The following PRKCH variants were observed in gnomAD, a reference collection of about 807,000 sequenced individuals.
PRKCH encodes protein kinase C eta type.
In PRKCH, 28 loss-of-function variants were observed where a neutral mutation model predicts 82.5. The ratio of observed to expected loss-of-function variants is 0.34; its 90% confidence interval spans 0.25 to 0.47. The LOEUF is 0.47. Among genes scored for constraint, PRKCH ranks in the 20% least tolerant of loss-of-function variants. The pLI is 1.00. For missense variants in PRKCH, 705 were observed against 881.8 expected (o/e 0.80, Z 2.54); for synonymous variants, 322 against 327.4 (o/e 0.98, Z 0.18).
At chr14:61,438,272 C>A (rs995883126) in intron 2 of PRKCH, among the ~76,000 whole-genome samples, 2 of 152,114 alleles carry the variant, frequency 1.3e-5, no homozygotes, top group African/African-American at 2.4e-5. Flanking sequence ...GTGTAGCCCC[C>A]TTAAAGATAA....
At chr14:61,509,401 G>C (rs1887282049) in intron 10 of PRKCH, among the ~76,000 whole-genome samples, 1 of 152,114 alleles carries the variant, frequency 6.6e-6, no homozygotes, top group Non-Finnish European at 1.5e-5. Flanking sequence ...GAGTTACCAG[G>C]TTCAACAGGT....
At chr14:61,241,733 C>A (rs1263780773) in intron 1 of PRKCH, among the ~76,000 whole-genome samples, 13 of 152,186 alleles carry the variant, frequency 8.5e-5, no homozygotes, top group Admixed American at 8.5e-4. Context: ...AGGTTTTGGA[C>A]TCAGGCTGAC....
chr14:61,239,078 A>C (rs1454263724), intron 1 of PRKCH, among the ~76,000 whole-genome samples: 2 of 152,160 alleles, frequency 1.3e-5, no homozygotes, highest in African/African-American at 2.4e-5. Context: ...CAGACCTTAA[A>C]ATGGCTTTTA....
rs917771120 is a variant in PRKCH at position 61,550,724 on chromosome 14, CTT to C, written c.*894_*895del. Reference sequence around the variant, plus strand: ...TGCCTGCCTACCTGGGTAATCTGATCTTGTCTGTATCGCCGTGTGCTCATCAC... The same window carrying C: ...TGCCTGCCTACCTGGGTAATCTGATCGTCTGTATCGCCGTGTGCTCATCAC... On this transcript the variant is annotated 3_prime_UTR_variant, in exon 14 of 14. Transcript: ENST00000332981. The C allele has an allele frequency of 1.3e-5, 2 of 152,544 alleles. No individual in the cohort carries two copies. The highest frequency in any genetic ancestry group is 4.1e-4 in the South Asian group (2 of 4,822). The allele number at this position is 152,544 out of a possible 1,614,324, so 9.4% of individuals were successfully genotyped here.
chr14:61,485,140 C>A (rs1886156616), intron 9 of PRKCH, among the ~76,000 whole-genome samples: 1 of 152,132 alleles, frequency 6.6e-6, no homozygotes, highest in Admixed American at 6.5e-5. Context: ...TAATTAACCC[C>A]ACATGTTCCA....
chr14:61,247,451 G>T (rs1159374845), intron 1 of PRKCH, among the ~76,000 whole-genome samples: 1 of 151,956 alleles, frequency 6.6e-6, no homozygotes, highest in African/African-American at 2.4e-5. Context: ...GGAATTGAAA[G>T]TTGGCCAGGC....
chr14:61,239,741 A>G (rs2044820159), intron 1 of PRKCH, among the ~76,000 whole-genome samples: 1 of 152,124 alleles, frequency 6.6e-6, no homozygotes, highest in Non-Finnish European at 1.5e-5. Context: ...TGCCCTTACC[A>G]CACACTGACT....
At chr14:61,267,046 A>T (rs933839350) in intron 1 of PRKCH, among the ~76,000 whole-genome samples, 4 of 152,174 alleles carry the variant, frequency 2.6e-5, no homozygotes, top group African/African-American at 2.4e-5. Context: ...TTATCACAGC[A>T]TGTTTTCCAT....
rs192673479 is a variant in PRKCH at position 61,480,641 on chromosome 14, C to G, written c.1279-4861C>G. Among the ~76,000 whole-genome samples, 133 of 152,268 alleles carry G rather than the reference C, an allele frequency of 8.7e-4. 1 individual carries two copies. The highest frequency in any genetic ancestry group is 3.0e-3 in the African/African-American group (125 of 41,562). On this transcript the variant is annotated intron_variant, in intron 9 of 13. Transcript: ENST00000332981. ...GCACCATAGCTGCACCTGTTTTACC[C>G]CAGGCACTGGGCTTATAATTCTAGT...
intron 1 of PRKCH, among the ~76,000 whole-genome samples, chr14:61,282,208 G>A (rs929959385): frequency 6.6e-6 from 1 of 150,972 alleles, no homozygotes; most frequent in Non-Finnish European, 1.5e-5. Context: ...AAACTACAAG[G>A]ATTTATAGGA....
At chr14:61,241,570 A>G (rs1471908197) in intron 1 of PRKCH, among the ~76,000 whole-genome samples, 1 of 118,166 alleles carries the variant, frequency 8.5e-6, no homozygotes, top group African/African-American at 3.0e-5. Flanking sequence ...AGATTTTAGG[A>G]GTCCTAGGCC....
intron 1 of PRKCH, among the ~76,000 whole-genome samples, chr14:61,344,821 C>A (rs1413315906): frequency 6.6e-6 from 1 of 152,106 alleles, no homozygotes; most frequent in African/African-American, 2.4e-5. Flanking sequence ...AGATTGCTAG[C>A]CCCTTAAAGC....
chr14:61,278,373 A>C (rs545048360), intron 1 of PRKCH: 4 of 152,338 alleles, frequency 2.6e-5, no homozygotes, highest in African/African-American at 9.6e-5. Flanking sequence ...TTTTTGGTAT[A>C]TGTAAATAAT....
chr14:61,377,855 T>G (rs2046445600), intron 1 of PRKCH, among the ~76,000 whole-genome samples: 1 of 152,214 alleles, frequency 6.6e-6, no homozygotes, highest in Non-Finnish European at 1.5e-5. Context: ...GTCTATTCAT[T>G]CATCTAGTAG....
At chr14:61,517,267 G>A (rs1257376030) in intron 10 of PRKCH, among the ~76,000 whole-genome samples, 3 of 152,182 alleles carry the variant, frequency 2.0e-5, no homozygotes, top group Non-Finnish European at 4.4e-5. Context: ...ATGCAAGGCC[G>A]TGCACTGGGA....
At chr14:61,473,219 G>A (rs371062429) in intron 9 of PRKCH, among the ~76,000 whole-genome samples, 10 of 152,306 alleles carry the variant, frequency 6.6e-5, no homozygotes, top group South Asian at 4.1e-4. Flanking sequence ...GGAAATGGTG[G>A]TGGTTGGCGG....
intron 2 of PRKCH, among the ~76,000 whole-genome samples, chr14:61,392,862 G>A (rs1566855749): frequency 6.7e-6 from 1 of 149,970 alleles, no homozygotes; most frequent in East Asian, 1.9e-4. Context: ...TTTTTAAGAA[G>A]CAAATAGTTT....
At chr14:61,210,859 C>G (rs1477963393) in intron 1 of PRKCH, among the ~76,000 whole-genome samples, 2 of 151,696 alleles carry the variant, frequency 1.3e-5, no homozygotes, top group Non-Finnish European at 2.9e-5. Flanking sequence ...ATTAGAGAAG[C>G]AGAAGCACTA....
intron 9 of PRKCH, 138 bp from the exon 10 acceptor site, chr14:61,485,364 C>G: frequency 2.6e-6 from 3 of 1,160,670 alleles, no homozygotes; most frequent in Non-Finnish European, 2.5e-6. Context: ...TGCACCCTGA[C>G]CCATGGTCAG....
Sources: gnomAD v4.1 joint callset for allele counts (sites outside exome capture counted in the v4.1 genomes callset) on GRCh38, gnomAD v4.1.1 for gene constraint, MANE v1.5 for transcripts, NCBI Gene and HGNC (gene_info 2026-07-23, HGNC 2026-07-21) for gene names.